Variants in DHRS11 observed in about 807,000 individuals in gnomAD.
The protein encoded by DHRS11 is dehydrogenase/reductase 11, also known as dehydrogenase/reductase SDR family member 11.
In DHRS11, 18 loss-of-function variants were observed where a neutral mutation model predicts 30.7. The observed-to-expected ratio is 0.59, with a 90% CI of 0.41 to 0.87. DHRS11 has a LOEUF of 0.87. DHRS11 is among the 40% of genes least tolerant of loss of function. The probability of loss-of-function intolerance (pLI) is 0.00; values close to 1 mark genes in which losing one functional copy is unlikely to be tolerated. For synonymous variants in DHRS11, 123 were observed against 139.6 expected (o/e 0.88, Z 0.84); for missense variants, 300 against 349.0 (o/e 0.86, Z 1.12).
At chr17:36,597,200 A>C in intron 2 of DHRS11, 5 of 229,832 alleles carry the variant, frequency 2.2e-5, no homozygotes, top group East Asian at 1.1e-4. Flanking sequence ...ACGGCTGGAA[A>C]CCTCCCTGTC....
At chr17:36,597,393 G>C (rs573502438) in intron 2 of DHRS11, 1 of 158,214 alleles carries the variant, frequency 6.3e-6, no homozygotes, top group Non-Finnish European at 1.4e-5. Flanking sequence ...CTTGTCCTCC[G>C]GGTGAGGCTA....
rs891762103 is a variant in DHRS11, at chr17:36,599,398, A to G, written c.583-273A>G. 30 of 570,732 alleles carry G rather than the reference A, an allele frequency of 5.3e-5. 1 individual carries two copies. The highest frequency in any genetic ancestry group is 9.0e-5 in the Non-Finnish European group (29 of 322,656). 35.4% of individuals were successfully genotyped at this position (570,732 alleles called of 1,614,324 possible). On this transcript the variant is annotated intron_variant, in intron 4 of 6. Coordinates refer to ENST00000618403, the MANE Select transcript of DHRS11 (RefSeq NM_024308.4). ...CGTGAGCGAGTCACTGAACCTCCCT[A>G]AGCCTCGGCCTTCTCACTTGTGAAA... is the stretch of plus-strand genomic sequence containing the variant.
At chr17:36,599,119 A>G (rs2074835478) in intron 4 of DHRS11, 69 bp downstream of exon 4, 1 of 1,553,328 alleles carries the variant, frequency 6.4e-7, no homozygotes, top group Non-Finnish European at 8.7e-7. Flanking sequence ...CACACCGTTC[A>G]GGAAGCCCAT....
At position 36,592,212 on chromosome 17, in the gene DHRS11, G is replaced by T; in HGVS notation, c.147+56G>T. 8.1e-7 allele frequency: 1 copy of T among 1,238,144 alleles called. No individual in the cohort carries two copies. The highest frequency in any genetic ancestry group is 1.0e-6 in the Non-Finnish European group (1 of 990,850). 76.7% of individuals were successfully genotyped at this position (1,238,144 alleles called of 1,614,324 possible). On this transcript the variant is annotated intron_variant, in intron 1 of 6. Transcript: ENST00000618403. The surrounding 1 kb of genome is among the most constrained non-coding windows in gnomAD (Gnocchi z 4.4). ...GGGCGGGTCGTTTCCCCGGAGTCGGGTTCACCTGCCCGCCACGCCGGGGCC... is the reference window on the plus strand; with the variant it reads ...GGGCGGGTCGTTTCCCCGGAGTCGGTTTCACCTGCCCGCCACGCCGGGGCC...
At chr17:36,596,916 C>T in intron 2 of DHRS11, 1 of 470,608 alleles carries the variant, frequency 2.1e-6, no homozygotes, top group Non-Finnish European at 4.4e-6. Flanking sequence ...AGCCATGGTC[C>T]TCACCCACAG....
At chr17:36,594,742 C>G in intron 1 of DHRS11, 1 of 596,018 alleles carries the variant, frequency 1.7e-6, no homozygotes, top group Non-Finnish European at 3.0e-6. Flanking sequence ...TGAGGTTTCT[C>G]CATTGATAAC....
rs540112383 is a variant in DHRS11 at position 36,596,958 on chromosome 17, G to A, written c.358-1205G>A. 1.5e-4 allele frequency: 69 copies of A among 451,554 alleles called. 1 individual carries two copies. The highest frequency in any genetic ancestry group is 1.0e-3 in the South Asian group (65 of 61,938). 28.0% of individuals were successfully genotyped at this position (451,554 alleles called of 1,614,324 possible). A position where few individuals can be genotyped will look rare whatever the true frequency, so the allele number is the denominator to read the frequency against. ...GGTCTCTAAACCTGGACCTCAACTC[G>A]CCCATCTGTAAAATGAGGGACTTAC... is the stretch of plus-strand genomic sequence containing the variant. On this transcript the variant is annotated intron_variant, in intron 2 of 6. Transcript: ENST00000618403.
At chr17:36,596,558 T>C (rs2074812720) in intron 2 of DHRS11, 1 of 232,540 alleles carries the variant, frequency 4.3e-6, no homozygotes, top group African/African-American at 2.3e-5. Context: ...GGCAAGTATT[T>C]TATCTGTTTT....
intron 2 of DHRS11, among the ~76,000 whole-genome samples, chr17:36,595,471 G>T (rs2074804064): frequency 7.3e-6 from 1 of 137,360 alleles, no homozygotes; most frequent in Non-Finnish European, 1.5e-5. Flanking sequence ...CCAGGCTGGA[G>T]TGCAGTGGCA....
chr17:36,592,173 G>A lies in DHRS11; in HGVS notation c.147+17G>A. 1 of 1,270,790 alleles carries A rather than the reference G, an allele frequency of 7.9e-7. No individual in the cohort carries two copies. Among genetic ancestry groups the A allele is most frequent in the Non-Finnish European group, 9.9e-7 (1 of 1,008,528 alleles). The allele number at this position is 1,270,790 out of a possible 1,614,324, so 78.7% of individuals were successfully genotyped here. On this transcript the variant is annotated intron_variant, in intron 1 of 6. Coordinates refer to ENST00000618403, the MANE Select transcript of DHRS11 (RefSeq NM_024308.4). The surrounding 1 kb of genome is among the most constrained non-coding windows in gnomAD (Gnocchi z 4.4). ...AACATCGAGGTGAGGCCGGGCCGAG[G>A]GCGGGGACGTCGCGGGCGGGTCGTT...
intron 2 of DHRS11, 115 bp from the exon 3 acceptor site, chr17:36,598,048 C>G (rs1419679926): frequency 3.8e-6 from 4 of 1,052,910 alleles, no homozygotes; most frequent in Non-Finnish European, 5.9e-6. Context: ...CCGGGGGGAC[C>G]TGGACACTGT....
intron 1 of DHRS11, chr17:36,594,593 C>A (rs1306235717): frequency 3.5e-6 from 1 of 281,726 alleles, no homozygotes; most frequent in Non-Finnish European, 6.8e-6. Context: ...TTTGTATTTT[C>A]AGTAGAGATA....
rs1157023162 is a variant in DHRS11, at chr17:36,600,286, AC to A, written c.*84del. On this transcript the variant is annotated 3_prime_UTR_variant, in exon 7 of 7. Coordinates refer to ENST00000618403, the MANE Select transcript of DHRS11 (RefSeq NM_024308.4). ...GATTTTAGGTGTTGATTTCTGGATC[AC>A]GGGATACCACTTCCTGTCCACACCC... 1 of 1,537,440 alleles carries A rather than the reference AC, an allele frequency of 6.5e-7. No homozygotes were observed. The highest frequency in any genetic ancestry group is 1.4e-5 in the African/African-American group (1 of 73,580).
chr17:36,600,334 G>GT lies in DHRS11; in HGVS notation c.*134dup, dbSNP rs2074849956. The GT allele has an allele frequency of 2.7e-6, 3 of 1,096,688 alleles. No homozygotes were observed. The highest frequency in any genetic ancestry group is 3.9e-6 in the Non-Finnish European group (3 of 762,190). The allele number at this position is 1,096,688 out of a possible 1,614,324, so 67.9% of individuals were successfully genotyped here. On this transcript the variant is annotated 3_prime_UTR_variant, in exon 7 of 7. Coordinates refer to ENST00000618403, the MANE Select transcript of DHRS11 (RefSeq NM_024308.4). ...ACCCCGACCAGGGGCTAGAAAATTT[G>GT]TTTGAGATTTTTATATCATCTTGTC...
In DHRS11 at chr17:36,597,038, A is replaced by G. The variant is rs1381505341; in HGVS notation, c.358-1125A>G. 3 of 358,508 alleles carry G rather than the reference A, an allele frequency of 8.4e-6. No homozygotes were observed. In the East Asian group the frequency reaches 2.2e-4, roughly 27 times the overall value. 22.2% of individuals were successfully genotyped at this position (358,508 alleles called of 1,614,324 possible). ...AACATTATCTGAGTCTATTAGGATC[A>G]TCCTATGAGGCATCTTCTCTTTCCC... On this transcript the variant is annotated intron_variant, in intron 2 of 6. Coordinates refer to ENST00000618403, the MANE Select transcript of DHRS11 (RefSeq NM_024308.4).
chr17:36,600,612 A>G lies in DHRS11; in HGVS notation c.*409A>G, dbSNP rs2074852524. On this transcript the variant is annotated 3_prime_UTR_variant, in exon 7 of 7. Coordinates refer to ENST00000618403, the MANE Select transcript of DHRS11 (RefSeq NM_024308.4). ...TCTGTGTTGTTATCCAGGGCTCCAG[A>G]CTTCCTCCTCTGCCTGCCCCACTGC... The G allele has an allele frequency of 3.6e-6, 1 of 276,370 alleles. No homozygotes were observed. The highest frequency in any genetic ancestry group is 7.0e-6 in the Non-Finnish European group (1 of 143,470). 17.1% of individuals were successfully genotyped at this position (276,370 alleles called of 1,614,324 possible). A position where few individuals can be genotyped will look rare whatever the true frequency, so the allele number is the denominator to read the frequency against.
At position 36,600,435 on chromosome 17, in the gene DHRS11, T is replaced by C. The variant is rs2074850832; in HGVS notation, c.*232T>C. On this transcript the variant is annotated 3_prime_UTR_variant, in exon 7 of 7. Transcript: ENST00000618403. ...GTCCCTAATTGTTTTACTTGTTAAC[T>C]TGTTCTTGTGCCCCTGGGCACTTGG... 2 of 611,792 alleles carry C rather than the reference T, an allele frequency of 3.3e-6. No individual in the cohort carries two copies. Among genetic ancestry groups the C allele is most frequent in the Non-Finnish European group, 5.7e-6 (2 of 348,014 alleles). The allele number at this position is 611,792 out of a possible 1,614,324, so 37.9% of individuals were successfully genotyped here.
At chr17:36,598,523 G>C (rs1361491713) in intron 3 of DHRS11, 13 of 554,612 alleles carry the variant, frequency 2.3e-5, no homozygotes, top group Non-Finnish European at 3.2e-5. Context: ...GCCTGGGGAT[G>C]AACCCCACCT....
At position 36,595,231 on chromosome 17, in the gene DHRS11, G is replaced by T. The variant is rs1356839291; in HGVS notation, c.357+51G>T. 3 of 1,602,022 alleles carry T rather than the reference G, an allele frequency of 1.9e-6. No homozygotes were observed. The African/African-American group carries it at 4.0e-5, about 21-fold the overall frequency. The stretch of plus-strand genomic sequence containing the variant: ...CAGGTGGAGGGTGGGGAGGAGAGAG[G>T]GGAGCCAGGGGTTTGTGAACCAGAG... On this transcript the variant is annotated intron_variant, in intron 2 of 6. Transcript: ENST00000618403.
Sources: allele counts gnomAD v4.1 joint callset (sites outside exome capture counted in the v4.1 genomes callset), GRCh38; gene constraint gnomAD v4.1.1; non-coding constraint Gnocchi (gnomAD v3.1); transcripts MANE v1.5; gene names NCBI Gene and HGNC (gene_info 2026-07-23, HGNC 2026-07-21).